PRKAR1B: variants seen among roughly 807,000 people sequenced by gnomAD.
The protein encoded by PRKAR1B is protein kinase cAMP-dependent type I regulatory subunit beta.
PRKAR1B carries 22 observed loss-of-function variants against 46.5 expected under a neutral mutation model. The observed-to-expected ratio is 0.47, with a 90% CI of 0.34 to 0.68. The LOEUF is 0.68. Ranked by LOEUF, PRKAR1B falls within the 30% of genes least tolerant of loss-of-function variation. The pLI is 0.01. For missense variants in PRKAR1B, 445 were observed against 535.6 expected, an observed-to-expected ratio of 0.83 and a Z score of 1.67; for synonymous variants, 259 against 217.7, an observed-to-expected ratio of 1.19 and a Z score of -1.67.
chr7:723,419 A>G (rs900129073), intron 1 of PRKAR1B, among the ~76,000 whole-genome samples: 7 of 152,110 alleles, frequency 4.6e-5, no homozygotes, highest in African/African-American at 1.7e-4. Flanking sequence ...CACATGAGAG[A>G]AAAAGAAAAC....
chr7:600,910 T>C (rs1781550715), intron 6 of PRKAR1B, among the ~76,000 whole-genome samples: 1 of 152,236 alleles, frequency 6.6e-6, no homozygotes, highest in Non-Finnish European at 1.5e-5. Flanking sequence ...AAAAATGGAT[T>C]ATAGCTCTTG....
intron 9 of PRKAR1B, among the ~76,000 whole-genome samples, chr7:566,164 T>C (rs796087902): frequency 3.1e-5 from 2 of 64,648 alleles, no homozygotes; most frequent in Non-Finnish European, 3.6e-5. Flanking sequence ...ATTACCATCA[T>C]CACTATCACC....
chr7:677,019 G>A (rs777611937), intron 4 of PRKAR1B, among the ~76,000 whole-genome samples: 12 of 151,700 alleles, frequency 7.9e-5, no homozygotes, highest in East Asian at 2.0e-4. Context: ...CAAGGAGGGC[G>A]GTGGTGATTC....
rs775418204 is a variant in PRKAR1B at position 677,332 on chromosome 7, CCAACA to C, written c.349-17_349-13del. ...TCCTTGGGAATCACCTGAAGCGGAGCCAACACATCACCGTGTGAGCCACCCTGGCC... is the reference window on the plus strand; with the variant it reads ...TCCTTGGGAATCACCTGAAGCGGAGCCATCACCGTGTGAGCCACCCTGGCC... On this transcript the variant is annotated splice_polypyrimidine_tract_variant and intron_variant, in intron 3 of 10. Coordinates refer to ENST00000537384, the MANE Select transcript of PRKAR1B (RefSeq NM_001164760.2). 2 of 1,613,596 alleles carry C rather than the reference CCAACA, an allele frequency of 1.2e-6. No individual in the cohort carries two copies. Among genetic ancestry groups the C allele is most frequent in the Admixed American group, 3.3e-5 (2 of 60,030 alleles).
intron 8 of PRKAR1B, among the ~76,000 whole-genome samples, chr7:583,531 C>CCA (rs565707250): frequency 0.3 from 37,524 of 125,302 alleles, 6,694 homozygotes; most frequent in African/African-American, 0.39. Flanking sequence ...GTGCACACAC[C>CCA]CACTCACACA....
rs1554303271 is a variant in PRKAR1B, at chr7:685,401, T to TAC, written c.178-4676_178-4675insGT. On this transcript the variant is annotated intron_variant, in intron 2 of 10. Transcript: ENST00000537384. ...ATATACATACATATATATATATATA[T>TAC]GTATATATATACCAAAAACATTCCA... Among the ~76,000 whole-genome samples the TAC allele has an allele frequency of 1.6e-5, 2 of 122,368 alleles. 1 individual carries two copies. Among genetic ancestry groups the TAC allele is most frequent in the Non-Finnish European group, 3.3e-5 (2 of 60,576 alleles). The allele number at this position is 122,368 out of a possible 152,430, so 80.3% of individuals were successfully genotyped here. A position where few individuals can be genotyped will look rare whatever the true frequency, so the allele number is the denominator to read the frequency against.
At chr7:715,725 T>A (rs1446674475) in intron 1 of PRKAR1B, among the ~76,000 whole-genome samples, 1 of 152,140 alleles carries the variant, frequency 6.6e-6, no homozygotes, top group African/African-American at 2.4e-5. Flanking sequence ...CATTTTATTT[T>A]TTTTTTTTGA....
intron 10 of PRKAR1B, 83 bp from the exon 11 acceptor site, chr7:550,685 A>AGC (rs1784127879): frequency 8.2e-7 from 1 of 1,221,832 alleles, no homozygotes; most frequent in Non-Finnish European, 1.1e-6. Flanking sequence ...GGACCCTGGA[A>AGC]GCGGCTCCCT....
At chr7:726,168 C>T (rs1474351123) in intron 1 of PRKAR1B, among the ~76,000 whole-genome samples, 1 of 152,218 alleles carries the variant, frequency 6.6e-6, no homozygotes, top group Admixed American at 6.5e-5. Context: ...ACCTGGGCAG[C>T]GAGTAAGGCG....
chr7:579,043 G>A (rs1780027903), intron 9 of PRKAR1B: 1 of 985,452 alleles, frequency 1.0e-6, no homozygotes, highest in Non-Finnish European at 1.2e-6. Context: ...TTCTAAGAAG[G>A]GAGGCTTTTG....
chr7:707,739 G>A (rs1780405528), intron 2 of PRKAR1B, among the ~76,000 whole-genome samples: 1 of 152,132 alleles, frequency 6.6e-6, no homozygotes, highest in Non-Finnish European at 1.5e-5. Context: ...TGAAGATGAA[G>A]GCAGGACCCG....
chr7:727,447 AC>A, upstream of PRKAR1B: 3 of 259,698 alleles, frequency 1.2e-5, no homozygotes, highest in African/African-American at 4.5e-5. Context: ...AACATCCCGG[AC>A]CCCCCATGCG....
chr7:583,965 C>G (rs1003458821), intron 8 of PRKAR1B, among the ~76,000 whole-genome samples: 4 of 152,214 alleles, frequency 2.6e-5, no homozygotes, highest in Non-Finnish European at 5.9e-5. Context: ...GGCCGTTAAG[C>G]AGGCTCACCC....
rs527828585 is a variant in PRKAR1B, at chr7:690,493, TAAC to T, written c.178-9770_178-9768del. On this transcript the variant is annotated intron_variant, in intron 2 of 10. Transcript: ENST00000537384. ...AAAAAGAAATTAAATAAGAAGCCAT[TAAC>T]AACAACAACAACAAATTTCAAGTGC... is the stretch of plus-strand genomic sequence containing the variant. 2.0e-4 allele frequency among the ~76,000 whole-genome samples: 31 copies of T among 152,094 alleles called. No individual in the cohort carries two copies. In the South Asian group the frequency reaches 2.3e-3, roughly 11 times the overall value.
intron 4 of PRKAR1B, among the ~76,000 whole-genome samples, chr7:620,173 G>A (rs1312166441): frequency 1.3e-5 from 2 of 152,154 alleles, no homozygotes; most frequent in Non-Finnish European, 2.9e-5. Context: ...TTCCGAATGT[G>A]TTTACTGCCT....
chr7:692,685 C>CTCAGGTA (rs1779500881), intron 2 of PRKAR1B, among the ~76,000 whole-genome samples: 1 of 152,212 alleles, frequency 6.6e-6, no homozygotes, highest in Admixed American at 6.5e-5. Flanking sequence ...TCAGGCCAAA[C>CTCAGGTA]TGCGCTCATA....
Position 618,397 on chromosome 7 carries a change from T to C in PRKAR1B, c.441-10945A>G, listed in dbSNP as rs571550455. On this transcript the variant is annotated intron_variant, in intron 4 of 10. Coordinates refer to ENST00000537384, the MANE Select transcript of PRKAR1B (RefSeq NM_001164760.2). ...CTATACATTTATTCCTCTCTTCCCATAGCCCTCTCGGTCTGTGGGCAATTG... is the reference window on the plus strand; with the variant it reads ...CTATACATTTATTCCTCTCTTCCCACAGCCCTCTCGGTCTGTGGGCAATTG... 2.7e-4 allele frequency among the ~76,000 whole-genome samples: 41 copies of C among 152,326 alleles called. No homozygotes were observed. The South Asian group carries it at 8.3e-3, about 31-fold the overall frequency.
intron 9 of PRKAR1B, among the ~76,000 whole-genome samples, chr7:556,248 G>A (rs1383207513): frequency 6.6e-6 from 1 of 151,792 alleles, no homozygotes; most frequent in African/African-American, 2.4e-5. Context: ...CACGTGCCAG[G>A]CACCGTTTTA....
chr7:727,219 G>A lies in PRKAR1B; in HGVS notation c.-32C>T. On this transcript the variant is annotated 5_prime_UTR_variant, in exon 1 of 11. Coordinates refer to ENST00000537384, the MANE Select transcript of PRKAR1B (RefSeq NM_001164760.2). ...CGCGCTCGCGCCCCACCTGGACGAC[G>A]CTCTGCGCGCGCTGCGCTGCTCCCT... 1 of 1,349,914 alleles carries A rather than the reference G, an allele frequency of 7.4e-7. No individual in the cohort carries two copies. The highest frequency in any genetic ancestry group is 9.5e-7 in the Non-Finnish European group (1 of 1,050,220). The allele number at this position is 1,349,914 out of a possible 1,614,324, so 83.6% of individuals were successfully genotyped here.
Sources: allele counts gnomAD v4.1 joint callset (sites outside exome capture counted in the v4.1 genomes callset), GRCh38; gene constraint gnomAD v4.1.1; transcripts MANE v1.5; gene names NCBI Gene and HGNC (gene_info 2026-07-23, HGNC 2026-07-21).